FA2H: variants seen among roughly 807,000 people sequenced by gnomAD.
FA2H encodes the protein fatty acid alpha-hydroxylase.
Under a neutral mutation model 44.9 loss-of-function variants are expected in FA2H, and 22 were observed. The ratio of observed to expected loss-of-function variants is 0.49; its 90% confidence interval spans 0.35 to 0.70. The LOEUF is 0.70. Ranked by LOEUF, FA2H falls within the 30% of genes least tolerant of loss-of-function variation. FA2H has a pLI of 0.01. For synonymous variants in FA2H, 243 were observed against 213.2 expected, an observed-to-expected ratio of 1.14 and a Z score of -1.22; for missense variants, 501 against 504.9, an observed-to-expected ratio of 0.99 and a Z score of 0.07.
chr16:74,734,896 C>G (rs1032593039), intron 2 of FA2H, among the ~76,000 whole-genome samples: 2 of 152,236 alleles, frequency 1.3e-5, no homozygotes, highest in Non-Finnish European at 2.9e-5. Context: ...GAAATGTCCA[C>G]CCAAACTCAG....
chr16:74,717,665 C>T (rs1220810327), intron 5 of FA2H, among the ~76,000 whole-genome samples: 2 of 152,224 alleles, frequency 1.3e-5, no homozygotes, highest in African/African-American at 4.8e-5. Context: ...AGAACACGTT[C>T]CTGATTGGAG....
At chr16:74,723,776 G>C (rs1292021113) in intron 4 of FA2H, among the ~76,000 whole-genome samples, 1 of 152,148 alleles carries the variant, frequency 6.6e-6, no homozygotes, top group Non-Finnish European at 1.5e-5. Context: ...GCTCAGCACC[G>C]CCTAGGTGTT....
chr16:74,722,981 T>C (rs1597543683), intron 4 of FA2H, among the ~76,000 whole-genome samples: 1 of 152,206 alleles, frequency 6.6e-6, no homozygotes, highest in South Asian at 2.1e-4. Context: ...CTATTCATGA[T>C]GTCTTTCTTG....
chr16:74,734,433 C>T (rs1231805391), intron 2 of FA2H, among the ~76,000 whole-genome samples: 1 of 152,244 alleles, frequency 6.6e-6, no homozygotes, highest in East Asian at 1.9e-4. Context: ...GACCAACGGG[C>T]CGGGGCCCAG....
chr16:74,744,439 C>T (rs1438109891), intron 1 of FA2H, among the ~76,000 whole-genome samples: 2 of 148,274 alleles, frequency 1.3e-5, no homozygotes, highest in East Asian at 4.0e-4. Flanking sequence ...GGAAATTATT[C>T]CAGATGATGC....
At chr16:74,766,608 C>T (rs1242625291) in intron 1 of FA2H, among the ~76,000 whole-genome samples, 1 of 151,190 alleles carries the variant, frequency 6.6e-6, no homozygotes, top group Non-Finnish European at 1.5e-5. Flanking sequence ...CAAACTAGGG[C>T]AGAAGTGAGG....
At chr16:74,764,896 T>C (rs12929992) in intron 1 of FA2H, among the ~76,000 whole-genome samples, 11,555 of 152,024 alleles carry the variant, frequency 0.076, 714 homozygotes, top group East Asian at 0.35. Flanking sequence ...TATAGCTACA[T>C]GAGGACTGGG....
chr16:74,765,147 A>G (rs1179678068), intron 1 of FA2H, among the ~76,000 whole-genome samples: 1 of 137,084 alleles, frequency 7.3e-6, no homozygotes, highest in African/African-American at 2.7e-5. Context: ...CAGAAAAGAG[A>G]TTTTTCTTAA....
chr16:74,769,118 G>T (rs533924233), intron 1 of FA2H, among the ~76,000 whole-genome samples: 2 of 152,198 alleles, frequency 1.3e-5, no homozygotes, highest in African/African-American at 4.8e-5. Context: ...TATTGAGACG[G>T]GGTCTCCTCT....
intron 1 of FA2H, among the ~76,000 whole-genome samples, chr16:74,751,834 T>C (rs1962530718): frequency 1.3e-5 from 2 of 152,182 alleles, no homozygotes; most frequent in Non-Finnish European, 2.9e-5. Flanking sequence ...CTGTCTAATA[T>C]GGCTGGTGGT....
At chr16:74,774,091 G>A (rs1597577322) in intron 1 of FA2H, among the ~76,000 whole-genome samples, 1 of 152,124 alleles carries the variant, frequency 6.6e-6, no homozygotes, top group South Asian at 2.1e-4. Flanking sequence ...GAAACGGAGA[G>A]TGGTTGCAAA....
At chr16:74,746,183 G>A (rs142077357) in intron 1 of FA2H, among the ~76,000 whole-genome samples, 1 of 152,178 alleles carries the variant, frequency 6.6e-6, no homozygotes, top group African/African-American at 2.4e-5. Flanking sequence ...TGTTACAAGA[G>A]GGCAGCTCTG....
At chr16:74,751,598 A>G (rs1352217204) in intron 1 of FA2H, among the ~76,000 whole-genome samples, 1 of 151,942 alleles carries the variant, frequency 6.6e-6, no homozygotes, top group African/African-American at 2.4e-5. Flanking sequence ...TGACATGGCC[A>G]CAGGTAAGGG....
intron 4 of FA2H, among the ~76,000 whole-genome samples, chr16:74,719,531 T>G (rs1771428727): frequency 6.6e-6 from 1 of 151,976 alleles, no homozygotes; most frequent in Admixed American, 6.6e-5. Flanking sequence ...ATTATTATCT[T>G]GAGACAAGGT....
At chr16:74,726,471 C>T in intron 3 of FA2H, 140 bp from the exon 4 acceptor site, 1 of 606,764 alleles carries the variant, frequency 1.6e-6, no homozygotes, top group Non-Finnish European at 3.0e-6. Flanking sequence ...TCACTGCAAC[C>T]TCTGCCTCTG....
intron 1 of FA2H, among the ~76,000 whole-genome samples, chr16:74,752,984 A>G (rs1426119634): frequency 6.6e-6 from 1 of 152,174 alleles, no homozygotes; most frequent in African/African-American, 2.4e-5. Flanking sequence ...GTCCAAGCAC[A>G]CAGCAGCTCA....
chr16:74,766,791 T>A (rs950063688), intron 1 of FA2H, among the ~76,000 whole-genome samples: 1 of 152,078 alleles, frequency 6.6e-6, no homozygotes, highest in Non-Finnish European at 1.5e-5. Flanking sequence ...AAAACATCAA[T>A]AATACCCCAG....
intron 4 of FA2H, among the ~76,000 whole-genome samples, chr16:74,722,549 G>GA (rs1187558299): frequency 1.4e-4 from 22 of 151,780 alleles, no homozygotes; most frequent in African/African-American, 5.3e-4. Flanking sequence ...AAGAAAAAAA[G>GA]AAAAGAAAAC....
chr16:74,716,581 G>A lies in FA2H; in HGVS notation c.805C>T (p.Arg269Cys), dbSNP rs943671314. ...QHHKAPFDGS[R>C]LVFPPVPASL... ...GCTGGCACAGGGGGGAAGACCAGGCGGGAGCCGTCGAAGGGTGCCTGCAGA... is the reference window on the plus strand; with the variant it reads ...GCTGGCACAGGGGGGAAGACCAGGCAGGAGCCGTCGAAGGGTGCCTGCAGA... The change falls in exon 6 of 7, where the codon CGC becomes TGC. Residue 269 changes from arginine (R) to cysteine (C), a missense_variant. Physicochemically the swap from Arg to Cys is radical, Grantham distance 180 (BLOSUM62 -3). Transcript: ENST00000219368. 7 of 1,574,516 alleles carry A rather than the reference G, an allele frequency of 4.4e-6. No homozygotes were observed. Among genetic ancestry groups the A allele is most frequent in the African/African-American group, 1.4e-5 (1 of 73,952 alleles).
Sources: allele counts gnomAD v4.1 joint callset (sites outside exome capture counted in the v4.1 genomes callset), GRCh38; gene constraint gnomAD v4.1.1; transcripts MANE v1.5; gene names NCBI Gene and HGNC (gene_info 2026-07-23, HGNC 2026-07-21).